The following PAK1 variants were observed in gnomAD, a reference collection of about 807,000 sequenced individuals.
PAK1 encodes the protein serine/threonine-protein kinase PAK 1.
A neutral mutation model predicts 67.4 loss-of-function variants in PAK1; 29 were observed. The ratio of observed to expected loss-of-function variants is 0.43; its 90% CI spans 0.32 to 0.59. The LOEUF (loss-of-function observed/expected upper bound fraction) is 0.59, where lower values mean the gene tolerates loss of function less well. Among genes scored for constraint, PAK1 ranks in the 20% least tolerant of loss-of-function variants. The pLI is 0.07. For synonymous variants in PAK1, 223 were observed against 237.4 expected (o/e 0.94, Z 0.56); for missense variants, 337 against 670.7 (o/e 0.50, Z 5.50).
intron 14 of PAK1, among the ~76,000 whole-genome samples, chr11:77,331,531 A>T (rs1941519781): frequency 6.6e-6 from 1 of 152,222 alleles, no homozygotes; most frequent in South Asian, 2.1e-4. Flanking sequence ...AAACTATTGC[A>T]AGGACAAAAA....
At chr11:77,351,487 C>A (rs942156063) in intron 8 of PAK1, among the ~76,000 whole-genome samples, 1 of 152,084 alleles carries the variant, frequency 6.6e-6, no homozygotes, top group African/African-American at 2.4e-5. Flanking sequence ...AAAGGAAATA[C>A]CATCCCACAT....
chr11:77,464,758 G>A (rs1210547956), intron 1 of PAK1, among the ~76,000 whole-genome samples: 2 of 152,192 alleles, frequency 1.3e-5, no homozygotes, highest in East Asian at 1.9e-4. Context: ...GAACACTTAC[G>A]TTCACCTACA....
chr11:77,419,112 T>C (rs1250460276), intron 1 of PAK1, among the ~76,000 whole-genome samples: 1 of 152,216 alleles, frequency 6.6e-6, no homozygotes, highest in East Asian at 1.9e-4. Flanking sequence ...TATAGGAAAC[T>C]TGGCTAAGTT....
At chr11:77,479,376 T>C (rs1237254955), upstream of PAK1, among the ~76,000 whole-genome samples, 1 of 152,024 alleles carries the variant, frequency 6.6e-6, no homozygotes, top group African/African-American at 2.4e-5. Flanking sequence ...AGATAATGAA[T>C]ATGTGTTGTT....
chr11:77,445,303 G>A (rs530421293), intron 1 of PAK1, among the ~76,000 whole-genome samples: 5 of 152,276 alleles, frequency 3.3e-5, no homozygotes, highest in African/African-American at 9.6e-5. Context: ...CTAGAACTGA[G>A]AGACCACAAA....
At chr11:77,459,333 T>C (rs1339394202) in intron 1 of PAK1, among the ~76,000 whole-genome samples, 2 of 152,156 alleles carry the variant, frequency 1.3e-5, no homozygotes, top group African/African-American at 4.8e-5. Context: ...GTTAATAGGT[T>C]ACTAAAAGTC....
intron 1 of PAK1, among the ~76,000 whole-genome samples, chr11:77,435,119 A>C (rs75235744): frequency 6.8e-5 from 1 of 14,812 alleles, no homozygotes; most frequent in Admixed American, 3.4e-4. Flanking sequence ...GTGAATATAC[A>C]AAAAAAAAAA....
At position 77,379,536 on chromosome 11, in the gene PAK1, C is replaced by A. The variant is rs374083043; in HGVS notation, c.292-148G>T. ...TCTATACTCTCAGAGTTTACACAAG[C>A]CTCTTTTATAATATCTTTCTCATTG... On this transcript the variant is annotated intron_variant, in intron 3 of 14. Transcript: ENST00000356341. The A allele has an allele frequency of 1.4e-3, 941 of 674,416 alleles. 16 individuals are homozygous for A. The South Asian group carries it at 0.019, about 13-fold the overall frequency. The allele number at this position is 674,416 out of a possible 1,614,324, so 41.8% of individuals were successfully genotyped here. A position where few individuals can be genotyped will look rare whatever the true frequency, so the allele number is the denominator to read the frequency against.
chr11:77,398,421 C>T (rs1482795674), intron 1 of PAK1, among the ~76,000 whole-genome samples: 1 of 152,190 alleles, frequency 6.6e-6, no homozygotes, highest in African/African-American at 2.4e-5. Flanking sequence ...GTTCCATCCA[C>T]GTTGTTGCAA....
At chr11:77,387,073 CT>C (rs34065292) in intron 2 of PAK1, among the ~76,000 whole-genome samples, 364 of 126,806 alleles carry the variant, frequency 2.9e-3, no homozygotes, top group African/African-American at 6.8e-3. Flanking sequence ...CACGCCCAGC[CT>C]TTTTTTTTTT....
At chr11:77,480,125 A>G in the PAK1 span, among the ~76,000 whole-genome samples, 9 of 151,814 alleles carry the variant, frequency 5.9e-5, no homozygotes, top group African/African-American at 2.2e-4. Flanking sequence ...CTATCTTTTC[A>G]CTGCTGTTTC....
At chr11:77,368,565 C>T (rs1947929803) in intron 5 of PAK1, among the ~76,000 whole-genome samples, 1 of 152,096 alleles carries the variant, frequency 6.6e-6, no homozygotes, top group Non-Finnish European at 1.5e-5. Flanking sequence ...AAAGGGATTG[C>T]CAAGACAATG....
At chr11:77,444,161 G>C (rs1167447997) in intron 1 of PAK1, among the ~76,000 whole-genome samples, 1 of 151,748 alleles carries the variant, frequency 6.6e-6, no homozygotes, top group East Asian at 1.9e-4. Context: ...TCTCAGAAGA[G>C]ATGTACTTGA....
intron 1 of PAK1, among the ~76,000 whole-genome samples, chr11:77,445,792 A>T (rs1201723347): frequency 6.6e-6 from 1 of 152,196 alleles, no homozygotes; most frequent in Admixed American, 6.5e-5. Flanking sequence ...CATGTAGTGC[A>T]ATCCTGAAGC....
chr11:77,471,384 A>C lies in PAK1; in HGVS notation c.-22+2168T>G, dbSNP rs566299903. ...AAAGAAATTCACAGGCTACCAAAAA[A>C]AGACAGGCACAAACTCAAGTAATTG... On this transcript the variant is annotated intron_variant, in intron 1 of 14. Coordinates refer to ENST00000356341, the MANE Select transcript of PAK1 (RefSeq NM_002576.5). 1.1e-4 allele frequency among the ~76,000 whole-genome samples: 17 copies of C among 152,364 alleles called. No individual in the cohort carries two copies. In the South Asian group the frequency reaches 3.5e-3, roughly 32 times the overall value.
At chr11:77,529,096 A>AT in the PAK1 span, among the ~76,000 whole-genome samples, 2 of 152,140 alleles carry the variant, frequency 1.3e-5, no homozygotes, top group African/African-American at 4.8e-5. Context: ...GATTAAGTTC[A>AT]TTTTTAATCC....
At chr11:77,352,495 C>T (rs1945396334) in intron 8 of PAK1, among the ~76,000 whole-genome samples, 1 of 152,108 alleles carries the variant, frequency 6.6e-6, no homozygotes, top group Non-Finnish European at 1.5e-5. Flanking sequence ...GCAGTTGTAA[C>T]GTCATAGCAC....
Position 77,397,617 on chromosome 11 carries a change from G to A in PAK1, c.-21-5076C>T, listed in dbSNP as rs181038748. On this transcript the variant is annotated intron_variant, in intron 1 of 14. Transcript: ENST00000356341. ...AAAACACTTTTCAAGTAGCCACTGT[G>A]TGTAAGGTACTTTACATACTGAATC... Among the ~76,000 whole-genome samples the A allele has an allele frequency of 3.3e-5, 5 of 152,344 alleles. No homozygotes were observed. In the East Asian group the frequency reaches 9.6e-4, roughly 29 times the overall value.
At chr11:77,431,601 G>C (rs1955862675) in intron 1 of PAK1, among the ~76,000 whole-genome samples, 1 of 152,202 alleles carries the variant, frequency 6.6e-6, no homozygotes, top group East Asian at 1.9e-4. Flanking sequence ...TGAGAGTGCA[G>C]TTAAGGCCAA....
Sources: allele counts gnomAD v4.1 joint callset (sites outside exome capture counted in the v4.1 genomes callset), GRCh38; gene constraint gnomAD v4.1.1; transcripts MANE v1.5; gene names NCBI Gene and HGNC (gene_info 2026-07-23, HGNC 2026-07-21).